PITPNB: variants seen among roughly 807,000 people sequenced by gnomAD.
PITPNB encodes the protein phosphatidylinositol transfer protein beta isoform.
Under a neutral mutation model 45.9 loss-of-function variants are expected in PITPNB, and 16 were observed. The ratio of observed to expected loss-of-function variants is 0.35; its 90% confidence interval spans 0.24 to 0.53. The LOEUF is 0.53. Ranked by LOEUF, PITPNB falls within the 20% of genes least tolerant of loss-of-function variation. The pLI, the probability that PITPNB is intolerant of heterozygous loss-of-function variation, is 0.93. For missense variants in PITPNB, 188 were observed against 330.5 expected (o/e 0.57, Z 3.34); for synonymous variants, 112 against 108.9 (o/e 1.03, Z -0.18).
chr22:27,883,826 A>T (rs534726363), intron 7 of PITPNB, among the ~76,000 whole-genome samples: 1 of 152,172 alleles, frequency 6.6e-6, no homozygotes, highest in Non-Finnish European at 1.5e-5. Flanking sequence ...GACCTGCCTA[A>T]TGACCATGGT....
At chr22:27,889,939 T>C (rs1463583922) in intron 7 of PITPNB, among the ~76,000 whole-genome samples, 2 of 152,198 alleles carry the variant, frequency 1.3e-5, no homozygotes, top group African/African-American at 4.8e-5. Flanking sequence ...GAAAACCAAA[T>C]TGGATCTGGT....
intron 3 of PITPNB, among the ~76,000 whole-genome samples, chr22:27,903,302 T>A (rs1935655412): frequency 6.6e-6 from 1 of 151,632 alleles, no homozygotes; most frequent in African/African-American, 2.4e-5. Flanking sequence ...AAACCCCGTC[T>A]CTACTAAAAA....
intron 1 of PITPNB, 133 bp downstream of exon 1, chr22:27,919,039 A>C: frequency 7.8e-7 from 1 of 1,280,034 alleles, no homozygotes; most frequent in Middle Eastern, 1.9e-4. Context: ...GGGCCGGGGG[A>C]GGGAGGGGGC....
chr22:27,911,230 G>A lies in PITPNB; in HGVS notation c.52-121C>T, dbSNP rs921449113. ...CATATCCAAACCATTCAGCACAACTGTGTTCAATATGAAAACACAACTCAA... is the reference window on the plus strand; with the variant it reads ...CATATCCAAACCATTCAGCACAACTATGTTCAATATGAAAACACAACTCAA... On this transcript the variant is annotated intron_variant, in intron 2 of 11. Transcript: ENST00000335272. 6.5e-6 allele frequency: 4 copies of A among 619,580 alleles called. No individual in the cohort carries two copies. In the East Asian group the frequency reaches 8.1e-5, roughly 13 times the overall value. 38.4% of individuals were successfully genotyped at this position (619,580 alleles called of 1,614,324 possible). A position where few individuals can be genotyped will look rare whatever the true frequency, so the allele number is the denominator to read the frequency against.
Position 27,873,733 on chromosome 22 carries a change from A to G in PITPNB, c.534+5T>C, listed in dbSNP as rs1279526039. The G allele has an allele frequency of 1.3e-6, 2 of 1,577,384 alleles. No individual in the cohort carries two copies. The highest frequency in any genetic ancestry group is 2.7e-5 in the African/African-American group (2 of 74,324). On this transcript the variant is annotated splice_donor_5th_base_variant and intron_variant, in intron 8 of 11. Coordinates refer to ENST00000335272, the MANE Select transcript of PITPNB (RefSeq NM_012399.5). ...CTGCCTGTCAGAAAGGTCAGCATCCAGTACCTTCCAGTTGGGTCCCAAAGG... is the reference window on the plus strand; with the variant it reads ...CTGCCTGTCAGAAAGGTCAGCATCCGGTACCTTCCAGTTGGGTCCCAAAGG...
chr22:27,869,740 G>A (rs1255912433), intron 8 of PITPNB, among the ~76,000 whole-genome samples: 1 of 152,170 alleles, frequency 6.6e-6, no homozygotes, highest in African/African-American at 2.4e-5. Context: ...CATTGATTGT[G>A]CACTTCTTCT....
At chr22:27,855,039 G>GT (rs764375001) in intron 10 of PITPNB, 100 bp from the exon 11 acceptor site, 16,388 of 796,688 alleles carry the variant, frequency 0.021, 320 homozygotes, top group Non-Finnish European at 0.022. Flanking sequence ...ATGAAGTGAT[G>GT]TTCATAACCA....
chr22:27,895,325 C>A (rs1415596485), intron 6 of PITPNB, among the ~76,000 whole-genome samples: 1 of 152,174 alleles, frequency 6.6e-6, no homozygotes, highest in Non-Finnish European at 1.5e-5. Flanking sequence ...TGCAGTGGCT[C>A]ACACCTGTAA....
chr22:27,882,397 T>A (rs1216147678), intron 7 of PITPNB, among the ~76,000 whole-genome samples: 1 of 152,144 alleles, frequency 6.6e-6, no homozygotes, highest in Non-Finnish European at 1.5e-5. Flanking sequence ...CAACTGAAAT[T>A]TCAAAAAACA....
At chr22:27,914,287 TA>T in intron 2 of PITPNB, 29 bp downstream of exon 2, 3 of 1,490,124 alleles carry the variant, frequency 2.0e-6, no homozygotes, top group Non-Finnish European at 2.8e-6. Context: ...CATATACCAA[TA>T]AAATGATGCA....
intron 11 of PITPNB, 32 bp from the exon 12 acceptor site, chr22:27,853,695 T>C (rs1934091292): frequency 3.4e-6 from 5 of 1,485,662 alleles, no homozygotes; most frequent in Non-Finnish European, 4.6e-6. Flanking sequence ...GTGCAAAATG[T>C]GTTAAAATAC....
intron 8 of PITPNB, among the ~76,000 whole-genome samples, chr22:27,864,495 A>G (rs946138928): frequency 7.2e-5 from 11 of 152,228 alleles, no homozygotes; most frequent in African/African-American, 2.4e-4. Flanking sequence ...TATCCTATTA[A>G]TCAAGTAAAG....
Position 27,865,446 on chromosome 22 carries a change from C to G in PITPNB, c.535-5205G>C, listed in dbSNP as rs930519706. ...TCCCATATTTAATTTTTCTTGAAAG[C>G]AATCACAAGGTATACATGCAAAATA... is the stretch of plus-strand genomic sequence containing the variant. On this transcript the variant is annotated intron_variant, in intron 8 of 11. Transcript: ENST00000335272. Among the ~76,000 whole-genome samples the G allele has an allele frequency of 3.9e-5, 6 of 152,264 alleles. No individual in the cohort carries two copies. In the East Asian group the frequency reaches 7.7e-4, roughly 20 times the overall value.
At chr22:27,907,942 G>C (rs1935810812) in intron 3 of PITPNB, among the ~76,000 whole-genome samples, 1 of 151,868 alleles carries the variant, frequency 6.6e-6, no homozygotes, top group Admixed American at 6.6e-5. Context: ...TCCTAGGAAT[G>C]GAGAAGTTGT....
intron 6 of PITPNB, among the ~76,000 whole-genome samples, chr22:27,895,039 T>C (rs1935395344): frequency 6.6e-6 from 1 of 152,202 alleles, no homozygotes. Context: ...ATTCAAATGA[T>C]GCACTGTATG....
At chr22:27,867,908 A>G (rs1442481205) in intron 8 of PITPNB, among the ~76,000 whole-genome samples, 1 of 152,076 alleles carries the variant, frequency 6.6e-6, no homozygotes, top group African/African-American at 2.4e-5. Flanking sequence ...TTTTTTTGGT[A>G]TCTTCTGTAG....
At chr22:27,886,018 G>A (rs2146385789) in intron 7 of PITPNB, among the ~76,000 whole-genome samples, 1 of 152,322 alleles carries the variant, frequency 6.6e-6, no homozygotes, top group Middle Eastern at 3.4e-3. Flanking sequence ...TTAAAACAAG[G>A]GGCTCTGAGG....
At chr22:27,865,766 G>A (rs1235662895) in intron 8 of PITPNB, among the ~76,000 whole-genome samples, 3 of 152,084 alleles carry the variant, frequency 2.0e-5, no homozygotes, top group African/African-American at 4.8e-5. Context: ...GGGGAGGGGC[G>A]GGCGGTGAGA....
At chr22:27,862,810 C>T (rs1361279568) in intron 8 of PITPNB, among the ~76,000 whole-genome samples, 2 of 152,272 alleles carry the variant, frequency 1.3e-5, no homozygotes, top group South Asian at 2.1e-4. Flanking sequence ...TAATGCTGCC[C>T]TTGGTGTCAA....
Sources: gnomAD v4.1 joint callset for allele counts (sites outside exome capture counted in the v4.1 genomes callset) on GRCh38, gnomAD v4.1.1 for gene constraint, MANE v1.5 for transcripts, NCBI Gene and HGNC (gene_info 2026-07-23, HGNC 2026-07-21) for gene names.